Variants in MAPRE1 observed in about 807,000 individuals in gnomAD.
MAPRE1 encodes microtubule-associated protein RP/EB family member 1.
In MAPRE1, 5 loss-of-function variants were observed where a neutral mutation model predicts 32.1. The ratio of observed to expected loss-of-function variants is 0.16; its 90% CI spans 0.08 to 0.33. MAPRE1 has a LOEUF of 0.33. MAPRE1 is among the 10% of genes least tolerant of loss of function. The probability of loss-of-function intolerance (pLI) is 1.00; values close to 1 mark genes in which losing one functional copy is unlikely to be tolerated. For missense variants in MAPRE1, 209 were observed against 327.2 expected (o/e 0.64, Z 2.79); for synonymous variants, 122 against 118.9 (o/e 1.03, Z -0.17).
At chr20:32,839,595 G>A (rs1009176202) in intron 4 of MAPRE1, 140 bp from the exon 5 acceptor site, 12 of 1,140,762 alleles carry the variant, frequency 1.1e-5, no homozygotes, top group South Asian at 1.5e-5. Context: ...TCTTGCATGC[G>A]GGGGCTCTCT....
intron 5 of MAPRE1, chr20:32,843,615 A>G (rs1394971168): frequency 6.6e-6 from 1 of 152,258 alleles, no homozygotes; most frequent in African/African-American, 2.4e-5. Context: ...ATAATGATCA[A>G]TGAGCTGTTT....
chr20:32,842,828 T>A (rs539379728), intron 5 of MAPRE1, among the ~76,000 whole-genome samples: 6 of 152,222 alleles, frequency 3.9e-5, no homozygotes, highest in East Asian at 3.9e-4. Context: ...CCACAACTCT[T>A]ATGGGGGAGA....
At chr20:32,846,310 C>A (rs1292365669) in intron 5 of MAPRE1, among the ~76,000 whole-genome samples, 1 of 152,194 alleles carries the variant, frequency 6.6e-6, no homozygotes, top group East Asian at 1.9e-4. Context: ...TTGTCAGCTA[C>A]CTTGCTAGGC....
chr20:32,830,260 C>CT (rs1388339152), intron 2 of MAPRE1, among the ~76,000 whole-genome samples: 5 of 152,272 alleles, frequency 3.3e-5, no homozygotes, highest in African/African-American at 1.2e-4. Flanking sequence ...TGTAAGACAG[C>CT]TTGGCGATCT....
chr20:32,843,773 T>A (rs929783514), intron 5 of MAPRE1, among the ~76,000 whole-genome samples: 3 of 152,166 alleles, frequency 2.0e-5, no homozygotes, highest in Non-Finnish European at 4.4e-5. Context: ...AAACACTGAC[T>A]TGGGGCTTCT....
rs1983308553 is a variant in MAPRE1 at position 32,839,828 on chromosome 20, A to G, written c.569A>G (p.Asp190Gly). Residue 190 changes from aspartate (D) to glycine (G), a missense_variant, in exon 5 of 7, where the codon GAC (aspartate) becomes GGC (glycine). Coordinates refer to ENST00000375571, the MANE Select transcript of MAPRE1 (RefSeq NM_012325.3). Reference protein sequence around the residue: ...VRKNPGVGNGDDEAAELMQQV... With the variant: ...VRKNPGVGNGGDEAAELMQQV... ...AAGAACCCTGGTGTGGGCAACGGAGACGACGAGGCAGCTGAGTTGATGCAG... is the reference window on the plus strand; with the variant it reads ...AAGAACCCTGGTGTGGGCAACGGAGGCGACGAGGCAGCTGAGTTGATGCAG... The G allele has an allele frequency of 6.2e-7, 1 of 1,614,020 alleles. No homozygotes were observed. Among genetic ancestry groups the G allele is most frequent in the Non-Finnish European group, 8.5e-7 (1 of 1,180,038 alleles).
At chr20:32,845,509 AT>A (rs1772355095) in intron 5 of MAPRE1, among the ~76,000 whole-genome samples, 2 of 152,114 alleles carry the variant, frequency 1.3e-5, no homozygotes, top group Admixed American at 1.3e-4. Flanking sequence ...CCTGATCCTC[AT>A]CTCTGGATGC....
At chr20:32,844,119 G>A (rs1251372485) in intron 5 of MAPRE1, among the ~76,000 whole-genome samples, 1 of 152,202 alleles carries the variant, frequency 6.6e-6, no homozygotes, top group Non-Finnish European at 1.5e-5. Flanking sequence ...CTCCCAAGGT[G>A]CTGGGATTAC....
Position 32,825,775 on chromosome 20 carries a change from G to C in MAPRE1, c.-3-150G>C, listed in dbSNP as rs1982828750. ...ACTGCACTCCAGCCTGGGCGACAGA[G>C]TGAGACTCTGTCTCAAAATAAAATA... On this transcript the variant is annotated intron_variant, in intron 1 of 6. Coordinates refer to ENST00000375571, the MANE Select transcript of MAPRE1 (RefSeq NM_012325.3). The C allele has an allele frequency of 2.3e-5, 12 of 526,924 alleles. No individual in the cohort carries two copies. In the East Asian group the frequency reaches 4.1e-4, roughly 18 times the overall value. 32.6% of individuals were successfully genotyped at this position (526,924 alleles called of 1,614,324 possible).
chr20:32,834,558 T>A (rs986510661), intron 3 of MAPRE1, among the ~76,000 whole-genome samples: 1 of 152,102 alleles, frequency 6.6e-6, no homozygotes. Flanking sequence ...TTTTTTTTTT[T>A]ATGGCAAAGG....
At position 32,839,852 on chromosome 20, in the gene MAPRE1, A is replaced by G. The variant is rs866284040; in HGVS notation, c.593A>G (p.Gln198Arg). The G allele has an allele frequency of 3.7e-6, 6 of 1,614,022 alleles. No homozygotes were observed. The highest frequency in any genetic ancestry group is 3.3e-4 in the Middle Eastern group (2 of 6,084). Residue 198 changes from glutamine to arginine, a missense_variant, in exon 5 of 7, where the codon CAG (glutamine) becomes CGG (arginine). Gln to Arg is a conservative substitution (Grantham distance 43). Around this residue, in one of 3 missense-constraint regions of MAPRE1, gnomAD observed 106 missense variants for 115.3 expected, o/e 0.92. Coordinates refer to ENST00000375571, the MANE Select transcript of MAPRE1 (RefSeq NM_012325.3). ...NGDDEAAELM[Q>R]QVNVLKLTVE... ...GACGACGAGGCAGCTGAGTTGATGC[A>G]GCAGGTGGGCACCCCTGTGTTTAGC...
intron 1 of MAPRE1, among the ~76,000 whole-genome samples, chr20:32,821,853 G>A (rs1398623281): frequency 1.3e-5 from 2 of 152,188 alleles, no homozygotes; most frequent in African/African-American, 4.8e-5. Context: ...GTTTGAGGGA[G>A]CTTTTTCATG....
chr20:32,826,533 T>TG (rs1159986075), intron 2 of MAPRE1, among the ~76,000 whole-genome samples: 1 of 132,652 alleles, frequency 7.5e-6, no homozygotes, highest in Non-Finnish European at 1.6e-5. Flanking sequence ...TTTTTTTTTT[T>TG]TTTTTTTTTT....
chr20:32,822,332 C>T (rs140046618), intron 1 of MAPRE1, among the ~76,000 whole-genome samples: 20 of 152,238 alleles, frequency 1.3e-4, no homozygotes, highest in Non-Finnish European at 1.9e-4. Context: ...TGATTTTGCG[C>T]ACAGTATTTT....
At chr20:32,835,518 C>T (rs1400108081) in intron 3 of MAPRE1, among the ~76,000 whole-genome samples, 1 of 152,060 alleles carries the variant, frequency 6.6e-6, no homozygotes, top group African/African-American at 2.4e-5. Flanking sequence ...ACTTGGAAAA[C>T]ATGTCATTTT....
At position 32,839,771 on chromosome 20, in the gene MAPRE1, C is replaced by T. The variant is rs199851862; in HGVS notation, c.512C>T (p.Ala171Val). ...QRPISTQRTA[A>V]APKAGPGVVR... Reference sequence around the variant, plus strand: ...CCCATCTCAACACAGAGAACCGCTGCGGCTCCTAAGGCTGGCCCTGGTGTG... The same window carrying T: ...CCCATCTCAACACAGAGAACCGCTGTGGCTCCTAAGGCTGGCCCTGGTGTG... The change falls in exon 5 of 7, where the codon GCG becomes GTG. Residue 171 changes from alanine to valine, a missense_variant. Ala to Val is a moderately conservative substitution (Grantham distance 64). Coordinates refer to ENST00000375571, the MANE Select transcript of MAPRE1 (RefSeq NM_012325.3). 23 of 1,614,150 alleles carry T rather than the reference C, an allele frequency of 1.4e-5. No individual in the cohort carries two copies. The highest frequency in any genetic ancestry group is 8.9e-5 in the East Asian group (4 of 44,884).
Position 32,833,759 on chromosome 20 carries a change from C to T in MAPRE1, c.164C>T (p.Ser55Phe). Residue 55 changes from serine to phenylalanine, a missense_variant, in exon 3 of 7, where the codon TCC becomes TTC. Physicochemically the swap from Ser to Phe is radical, Grantham distance 155. Around this residue, in one of 3 missense-constraint regions of MAPRE1, gnomAD observed 67 missense variants for 140.0 expected, o/e 0.48. Transcript: ENST00000375571. ...CQFMDMLFPG[S>F]IALKKVKFQA... ...TTTATGGACATGCTGTTCCCTGGCTCCATTGCCTTGAAGAAAGTGAAATTC... is the reference window on the plus strand; with the variant it reads ...TTTATGGACATGCTGTTCCCTGGCTTCATTGCCTTGAAGAAAGTGAAATTC... The T allele has an allele frequency of 6.2e-7, 1 of 1,613,972 alleles. No individual in the cohort carries two copies. Among genetic ancestry groups the T allele is most frequent in the Non-Finnish European group, 8.5e-7 (1 of 1,179,950 alleles).
chr20:32,833,508 T>TG (rs1983100751), intron 2 of MAPRE1, among the ~76,000 whole-genome samples: 1 of 152,346 alleles, frequency 6.6e-6, no homozygotes, highest in African/African-American at 2.4e-5. Context: ...TATAGGCTTC[T>TG]GGGTTGCAAG....
At chr20:32,847,428 A>G (rs1239190859) in intron 6 of MAPRE1, among the ~76,000 whole-genome samples, 1 of 152,188 alleles carries the variant, frequency 6.6e-6, no homozygotes, top group Non-Finnish European at 1.5e-5. Context: ...GTGCCTAGCA[A>G]GGTCTGTAGG....
Sources: gnomAD v4.1 joint callset for allele counts (sites outside exome capture counted in the v4.1 genomes callset) on GRCh38, gnomAD v4.1.1 for gene constraint, gnomAD v4.1.1 regional missense constraint, MANE v1.5 for transcripts, NCBI Gene and HGNC (gene_info 2026-07-23, HGNC 2026-07-21) for gene names.